SLC44A5: variants seen among roughly 807,000 people sequenced by gnomAD.
SLC44A5 encodes solute carrier family 44 member 5.
In SLC44A5, 57 loss-of-function variants were observed where a neutral mutation model predicts 101.8. The ratio of observed to expected loss-of-function variants is 0.56; its 90% CI spans 0.45 to 0.70. The LOEUF is 0.70. Among genes scored for constraint, SLC44A5 ranks in the 30% least tolerant of loss-of-function variants. The pLI is 0.00. For synonymous variants in SLC44A5, 281 were observed against 290.9 expected (o/e 0.97, Z 0.35); for missense variants, 737 against 853.1 (o/e 0.86, Z 1.70).
At chr1:75,223,261 C>T (rs207460222) in intron 13 of SLC44A5, among the ~76,000 whole-genome samples, 4 of 152,092 alleles carry the variant, frequency 2.6e-5, no homozygotes, top group South Asian at 2.1e-4. Flanking sequence ...TTGAGTTTGA[C>T]GAGGCACTTC....
chr1:75,320,320 C>T (rs1656044463), intron 4 of SLC44A5, among the ~76,000 whole-genome samples: 1 of 151,518 alleles, frequency 6.6e-6, no homozygotes, highest in Admixed American at 6.6e-5. Context: ...AAATGAACAA[C>T]AAAAGATAAG....
At chr1:75,534,251 G>C (rs1670877716) in intron 2 of SLC44A5, among the ~76,000 whole-genome samples, 1 of 151,762 alleles carries the variant, frequency 6.6e-6, no homozygotes, top group Non-Finnish European at 1.5e-5. Flanking sequence ...AAAGTCGTCG[G>C]AATCAAAATG....
chr1:75,269,812 A>T (rs915315320), intron 6 of SLC44A5, among the ~76,000 whole-genome samples: 3 of 152,044 alleles, frequency 2.0e-5, no homozygotes, highest in Non-Finnish European at 4.4e-5. Flanking sequence ...CCTTGATACC[A>T]TTTGATATGG....
chr1:75,628,996 C>A, the SLC44A5 span, among the ~76,000 whole-genome samples: 1 of 152,124 alleles, frequency 6.6e-6, no homozygotes, highest in Admixed American at 6.5e-5. Flanking sequence ...CTTTTGGCAT[C>A]TTCCAGCTGG....
chr1:75,562,281 T>C (rs555373355), intron 1 of SLC44A5, among the ~76,000 whole-genome samples: 82 of 152,254 alleles, frequency 5.4e-4, no homozygotes, highest in African/African-American at 1.9e-3. Context: ...ATGGAAAATG[T>C]TTTTAATTCT....
At chr1:75,653,649 A>C in the SLC44A5 span, among the ~76,000 whole-genome samples, 1 of 152,194 alleles carries the variant, frequency 6.6e-6, no homozygotes, top group Non-Finnish European at 1.5e-5. Flanking sequence ...TTTAGCATCT[A>C]AAAGATAGTT....
chr1:75,478,181 C>A (rs1208670878), intron 2 of SLC44A5, among the ~76,000 whole-genome samples: 17 of 152,108 alleles, frequency 1.1e-4, no homozygotes, highest in South Asian at 2.1e-4. Flanking sequence ...GAAATAAAAT[C>A]CTTTACAGAC....
At chr1:75,710,202 C>G in the SLC44A5 span, 1 of 152,068 alleles carries the variant, frequency 6.6e-6, no homozygotes, top group East Asian at 1.9e-4. Context: ...AAAACTCATT[C>G]AAGTTGTTCA....
chr1:75,273,664 T>C (rs1385836678), intron 6 of SLC44A5, among the ~76,000 whole-genome samples: 2 of 152,194 alleles, frequency 1.3e-5, no homozygotes, highest in Non-Finnish European at 2.9e-5. Flanking sequence ...ATTCTGTGTA[T>C]GTGATGTATC....
the SLC44A5 span, chr1:75,677,730 C>A: frequency 0.037 from 16,277 of 440,202 alleles, 2,367 homozygotes; most frequent in African/African-American, 0.31. Context: ...CATCTGTTAC[C>A]TATAAAAAAC....
chr1:75,246,712 C>A lies in SLC44A5; in HGVS notation c.346-3701G>T, dbSNP rs909891226. Among the ~76,000 whole-genome samples the A allele has an allele frequency of 4.6e-5, 7 of 152,010 alleles. No individual in the cohort carries two copies. In the East Asian group the frequency reaches 9.7e-4, roughly 21 times the overall value. On this transcript the variant is annotated intron_variant, in intron 7 of 23. Transcript: ENST00000370859. Reference sequence around the variant, plus strand: ...AATTTTGAAGAGGTAGTCAAAGAAGCCTCACTAAGAAGGTAACATTTGCAG... The same window carrying A: ...AATTTTGAAGAGGTAGTCAAAGAAGACTCACTAAGAAGGTAACATTTGCAG...
chr1:75,403,538 G>C (rs1361380456), intron 2 of SLC44A5, among the ~76,000 whole-genome samples: 1 of 152,154 alleles, frequency 6.6e-6, no homozygotes, highest in Non-Finnish European at 1.5e-5. Context: ...GCCTCCTCTG[G>C]TGATACCCAG....
chr1:75,462,371 C>T (rs1666552540), intron 2 of SLC44A5, among the ~76,000 whole-genome samples: 1 of 152,124 alleles, frequency 6.6e-6, no homozygotes, highest in Non-Finnish European at 1.5e-5. Flanking sequence ...GATCACAACA[C>T]TTACGTCTTT....
intron 5 of SLC44A5, among the ~76,000 whole-genome samples, chr1:75,297,380 G>C (rs1299240384): frequency 1.3e-5 from 2 of 152,110 alleles, no homozygotes; most frequent in Admixed American, 1.3e-4. Flanking sequence ...TGCCTCCCAG[G>C]CTCCAGCCAT....
At chr1:75,538,320 T>C (rs1255877360) in intron 2 of SLC44A5, among the ~76,000 whole-genome samples, 1 of 152,234 alleles carries the variant, frequency 6.6e-6, no homozygotes, top group East Asian at 1.9e-4. Flanking sequence ...TCAACCTCTG[T>C]ATTCTATATC....
chr1:75,656,289 C>A, the SLC44A5 span, among the ~76,000 whole-genome samples: 1 of 152,200 alleles, frequency 6.6e-6, no homozygotes, highest in African/African-American at 2.4e-5. Context: ...GAAATAGACA[C>A]TTACATGTAG....
At chr1:75,390,926 A>C (rs556213058) in intron 3 of SLC44A5, among the ~76,000 whole-genome samples, 34 of 152,258 alleles carry the variant, frequency 2.2e-4, no homozygotes, top group African/African-American at 7.9e-4. Context: ...TGAAGATAGA[A>C]CTCGATACAA....
chr1:75,445,096 T>C (rs1665475216), intron 2 of SLC44A5, among the ~76,000 whole-genome samples: 1 of 152,190 alleles, frequency 6.6e-6, no homozygotes, highest in Admixed American at 6.5e-5. Context: ...CCAAATCTCA[T>C]GCTGAAATGT....
At chr1:75,644,089 A>T in the SLC44A5 span, among the ~76,000 whole-genome samples, 1 of 152,162 alleles carries the variant, frequency 6.6e-6, no homozygotes, top group African/African-American at 2.4e-5. Context: ...AAAAGATGTA[A>T]ATAAAATAAT....
Sources: gnomAD v4.1 joint callset for allele counts (sites outside exome capture counted in the v4.1 genomes callset) on GRCh38, gnomAD v4.1.1 for gene constraint, MANE v1.5 for transcripts, NCBI Gene and HGNC (gene_info 2026-07-23, HGNC 2026-07-21) for gene names.